Variants in PLEKHA7 observed in about 807,000 individuals in gnomAD.
The protein encoded by PLEKHA7 is pleckstrin homology domain-containing family A member 7.
PLEKHA7 carries 104 observed loss-of-function variants against 170.0 expected under a neutral mutation model. The ratio of observed to expected loss-of-function variants is 0.61; its 90% CI spans 0.52 to 0.72. PLEKHA7 has a LOEUF of 0.72. Among genes scored for constraint, PLEKHA7 ranks in the 30% least tolerant of loss-of-function variants. PLEKHA7 has a pLI of 0.00. For synonymous variants in PLEKHA7, 648 were observed against 660.8 expected (o/e 0.98, Z 0.30); for missense variants, 1,615 against 1,671.7 (o/e 0.97, Z 0.59).
chr11:16,826,716 T>C, intron 9 of PLEKHA7, 126 bp from the exon 10 acceptor site: 1 of 838,446 alleles, frequency 1.2e-6, no homozygotes, highest in Non-Finnish European at 1.8e-6. Context: ...CCTTTCATGC[T>C]CATGTCCTCA....
intron 3 of PLEKHA7, among the ~76,000 whole-genome samples, chr11:16,938,477 T>G: frequency 6.6e-6 from 1 of 152,206 alleles, no homozygotes; most frequent in East Asian, 1.9e-4. Flanking sequence ...CTCAATATTC[T>G]AAGATAGGTG....
At position 16,986,845 on chromosome 11, in the gene PLEKHA7, A is replaced by G. The variant is rs145910119; in HGVS notation, c.221+27144T>C. On this transcript the variant is annotated intron_variant, in intron 3 of 26. Transcript: ENST00000531066. Reference sequence around the variant, plus strand: ...CATAGCTTTATGTAGCACCTACTATATGATCTTCCTTGTACCAGGAAGGGA... The same window carrying G: ...CATAGCTTTATGTAGCACCTACTATGTGATCTTCCTTGTACCAGGAAGGGA... 2.6e-5 allele frequency among the ~76,000 whole-genome samples: 4 copies of G among 152,224 alleles called. No homozygotes were observed. In the East Asian group the frequency reaches 7.7e-4, roughly 29 times the overall value.
In PLEKHA7 at chr11:16,778,910, A is replaced by C. The variant is rs2134092319; in HGVS notation, c.*88T>G. 1.4e-6 allele frequency: 1 copy of C among 701,694 alleles called. No homozygotes were observed. Among genetic ancestry groups the C allele is most frequent in the African/African-American group, 1.7e-5 (1 of 57,346 alleles). 43.5% of individuals were successfully genotyped at this position (701,694 alleles called of 1,614,324 possible). A position where few individuals can be genotyped will look rare whatever the true frequency, so the allele number is the denominator to read the frequency against. On this transcript the variant is annotated 3_prime_UTR_variant, in exon 27 of 27. Transcript: ENST00000531066. ...CGGCCGGATTCCCTGCTCAGCTGGAAGGGGTTTCCTTGGGGGCAGAAAGGT... is the reference window on the plus strand; with the variant it reads ...CGGCCGGATTCCCTGCTCAGCTGGACGGGGTTTCCTTGGGGGCAGAAAGGT...
At chr11:16,862,484 A>G (rs1447005357) in intron 4 of PLEKHA7, among the ~76,000 whole-genome samples, 1 of 152,218 alleles carries the variant, frequency 6.6e-6, no homozygotes, top group Non-Finnish European at 1.5e-5. Context: ...AGATCTGAGC[A>G]CATCCAAGAC....
At chr11:17,009,790 C>G (rs1397719661) in intron 3 of PLEKHA7, among the ~76,000 whole-genome samples, 1 of 151,974 alleles carries the variant, frequency 6.6e-6, no homozygotes, top group African/African-American at 2.4e-5. Context: ...AGCATACCAC[C>G]ATTAATTTTT....
chr11:16,927,631 T>C lies in PLEKHA7; in HGVS notation c.222-56449A>G, dbSNP rs1859657487. Among the ~76,000 whole-genome samples the C allele has an allele frequency of 2.6e-5, 4 of 152,214 alleles. No individual in the cohort carries two copies. The South Asian group carries it at 8.3e-4, about 31-fold the overall frequency. On this transcript the variant is annotated intron_variant, in intron 3 of 26. Coordinates refer to ENST00000531066, the MANE Select transcript of PLEKHA7 (RefSeq NM_001329630.2). ...CTTTGAATAATAACTTCCAGTAATGTTGGCAAGAAGACACTTTGAAGGAAG... is the reference window on the plus strand; with the variant it reads ...CTTTGAATAATAACTTCCAGTAATGCTGGCAAGAAGACACTTTGAAGGAAG...
chr11:16,944,128 T>C (rs1364022100), intron 3 of PLEKHA7, among the ~76,000 whole-genome samples: 1 of 148,832 alleles, frequency 6.7e-6, no homozygotes, highest in Admixed American at 6.7e-5. Flanking sequence ...CCAAGGTGGG[T>C]GGATCACCTG....
At chr11:16,889,033 A>T (rs143715252) in intron 3 of PLEKHA7, among the ~76,000 whole-genome samples, 1 of 148,608 alleles carries the variant, frequency 6.7e-6, no homozygotes, top group Non-Finnish European at 1.5e-5. Context: ...GCACATATAC[A>T]CCCAGATGGC....
chr11:16,804,012 C>A (rs1848778566), intron 13 of PLEKHA7, among the ~76,000 whole-genome samples: 1 of 152,214 alleles, frequency 6.6e-6, no homozygotes, highest in South Asian at 2.1e-4. Flanking sequence ...CATTTCCCAT[C>A]CCTCACTTGA....
Position 16,782,763 on chromosome 11 carries a change from G to T in PLEKHA7, c.3784C>A (p.Gln1262Lys), listed in dbSNP as rs539170862. The T allele has an allele frequency of 1.6e-4, 244 of 1,536,090 alleles. 1 individual carries two copies. Among genetic ancestry groups the T allele is most frequent in the Middle Eastern group, 3.4e-4 (2 of 5,950 alleles). Residue 1262 changes from glutamine to lysine, a missense_variant, in exon 26 of 27, where the codon CAG (glutamine) becomes AAG (lysine). Transcript: ENST00000531066. Reference protein sequence around the residue: ...LASEASQRSKQVAAQAVTDP With the variant: ...LASEASQRSKKVAAQAVTDP ...TGGGCCATGGCCTTACCTGCCACCTGCTTGCTACGCTGGGAGGCCTCGGAG... is the reference window on the plus strand; with the variant it reads ...TGGGCCATGGCCTTACCTGCCACCTTCTTGCTACGCTGGGAGGCCTCGGAG...
intron 3 of PLEKHA7, among the ~76,000 whole-genome samples, chr11:16,901,927 C>G (rs751120362): frequency 6.6e-6 from 1 of 152,108 alleles, no homozygotes; most frequent in African/African-American, 2.4e-5. Flanking sequence ...GAGAGTTATA[C>G]GATCATCACC....
chr11:16,800,747 C>T (rs931275139), intron 17 of PLEKHA7, among the ~76,000 whole-genome samples: 1 of 152,080 alleles, frequency 6.6e-6, no homozygotes, highest in South Asian at 2.1e-4. Flanking sequence ...TTGAGAGCAG[C>T]AAGGCAAGGG....
intron 3 of PLEKHA7, among the ~76,000 whole-genome samples, chr11:17,012,402 C>T (rs1328738164): frequency 1.3e-5 from 2 of 152,168 alleles, no homozygotes; most frequent in Non-Finnish European, 2.9e-5. Flanking sequence ...CCTGGCTGTT[C>T]GCTCTTCCCG....
chr11:16,968,180 C>A (rs1013133467), intron 3 of PLEKHA7, among the ~76,000 whole-genome samples: 2 of 152,182 alleles, frequency 1.3e-5, no homozygotes, highest in Non-Finnish European at 2.9e-5. Flanking sequence ...AGGGGTTTGG[C>A]AAACGTACCT....
chr11:16,828,484 T>C (rs972324301), intron 9 of PLEKHA7, among the ~76,000 whole-genome samples: 1 of 152,196 alleles, frequency 6.6e-6, no homozygotes, highest in African/African-American at 2.4e-5. Context: ...CAGTTCTTTA[T>C]AGCAGTGTGA....
chr11:16,984,834 A>G (rs968063995), intron 3 of PLEKHA7, among the ~76,000 whole-genome samples: 2 of 152,206 alleles, frequency 1.3e-5, no homozygotes, highest in African/African-American at 2.4e-5. Context: ...TTCATTTAAT[A>G]AAGGAATGAA....
intron 3 of PLEKHA7, among the ~76,000 whole-genome samples, chr11:16,946,441 G>T (rs371916789): frequency 2.6e-5 from 4 of 152,194 alleles, no homozygotes; most frequent in East Asian, 1.9e-4. Flanking sequence ...TTAAAGTGGA[G>T]GGGAGGGGGG....
Position 16,826,117 on chromosome 11 carries a change from C to T in PLEKHA7, c.1343+3G>A. 1 of 1,612,314 alleles carries T rather than the reference C, an allele frequency of 6.2e-7. No homozygotes were observed. The highest frequency in any genetic ancestry group is 8.5e-7 in the Non-Finnish European group (1 of 1,178,738). On this transcript the variant is annotated splice_donor_region_variant and intron_variant, in intron 10 of 26. Coordinates refer to ENST00000531066, the MANE Select transcript of PLEKHA7 (RefSeq NM_001329630.2). ...AAGCAGCGATCCTGAGTCTATTACT[C>T]ACCTCCTGCTATCCCCTTTCTGGGC... is the stretch of plus-strand genomic sequence containing the variant.
chr11:16,988,670 T>C (rs142253693), intron 3 of PLEKHA7, among the ~76,000 whole-genome samples: 7,656 of 151,902 alleles, frequency 0.05, 360 homozygotes, highest in East Asian at 0.14. Context: ...CTGGTCGAAC[T>C]CCTGACCTCA....
Sources: allele counts gnomAD v4.1 joint callset (sites outside exome capture counted in the v4.1 genomes callset), GRCh38; gene constraint gnomAD v4.1.1; transcripts MANE v1.5; gene names NCBI Gene and HGNC (gene_info 2026-07-23, HGNC 2026-07-21).